The following LYSMD2 variants were observed in gnomAD, a reference collection of about 807,000 sequenced individuals.
LYSMD2 encodes the protein LysM domain containing 2, also known as lysM and putative peptidoglycan-binding domain-containing protein 2.
Under a neutral mutation model 17.7 loss-of-function variants are expected in LYSMD2, and 6 were observed. That is an observed-to-expected ratio of 0.34 (90% CI 0.19 to 0.67). The LOEUF is 0.67. LYSMD2 is among the 30% of genes least tolerant of loss of function. The pLI is 0.69. For synonymous variants in LYSMD2, 102 were observed against 129.8 expected, an observed-to-expected ratio of 0.79 and a Z score of 1.45; for missense variants, 237 against 286.7, an observed-to-expected ratio of 0.83 and a Z score of 1.25.
chr15:51,747,093 G>T (rs1241726200), intron 1 of LYSMD2, among the ~76,000 whole-genome samples: 1 of 151,766 alleles, frequency 6.6e-6, no homozygotes, highest in Non-Finnish European at 1.5e-5. Flanking sequence ...CCAGCTACTT[G>T]GGAGGCTTAG....
At chr15:51,734,100 T>C (rs1000583942) in intron 1 of LYSMD2, among the ~76,000 whole-genome samples, 4 of 152,104 alleles carry the variant, frequency 2.6e-5, no homozygotes, top group Admixed American at 2.6e-4. Context: ...GGAGAATAGC[T>C]TGAACCCGGG....
intron 1 of LYSMD2, among the ~76,000 whole-genome samples, chr15:51,750,894 T>C (rs1394103495): frequency 6.6e-6 from 1 of 152,170 alleles, no homozygotes; most frequent in Non-Finnish European, 1.5e-5. Context: ...TCCAACTATC[T>C]TTAGGTTAGC....
chr15:51,728,346 G>A (rs1323740483), intron 1 of LYSMD2, among the ~76,000 whole-genome samples: 1 of 151,698 alleles, frequency 6.6e-6, no homozygotes, highest in African/African-American at 2.4e-5. Flanking sequence ...TTGAAGGTGG[G>A]AGGCAGAGGT....
At chr15:51,742,972 A>G (rs2055650630) in intron 1 of LYSMD2, among the ~76,000 whole-genome samples, 1 of 152,162 alleles carries the variant, frequency 6.6e-6, no homozygotes, top group African/African-American at 2.4e-5. Flanking sequence ...AAAAATACAT[A>G]CATGCATACA....
Position 51,723,597 on chromosome 15 carries a change from C to A in LYSMD2, c.*10G>T. The stretch of plus-strand genomic sequence containing the variant: ...TCTTAATTTTGGTTAGAGTTATGCC[C>A]CCAAATCACCTAACTGTGATAGAGG... On this transcript the variant is annotated 3_prime_UTR_variant, in exon 3 of 3. Coordinates refer to ENST00000267838, the MANE Select transcript of LYSMD2 (RefSeq NM_153374.3). 6.2e-7 allele frequency: 1 copy of A among 1,604,216 alleles called. No homozygotes were observed. The highest frequency in any genetic ancestry group is 1.1e-5 in the South Asian group (1 of 90,710).
chr15:51,733,632 C>T (rs757689440), intron 1 of LYSMD2, among the ~76,000 whole-genome samples: 9 of 152,040 alleles, frequency 5.9e-5, no homozygotes, highest in Non-Finnish European at 1.2e-4. Flanking sequence ...CTCCATCATT[C>T]GCCCAGGGCC....
chr15:51,744,875 T>A (rs11630084), intron 1 of LYSMD2, among the ~76,000 whole-genome samples: 72,894 of 151,586 alleles, frequency 0.48, 17,772 homozygotes, highest in Admixed American at 0.54. Flanking sequence ...CTTTACCTAG[T>A]CTGACCAAGA....
At chr15:51,748,086 C>T (rs2055677112) in intron 1 of LYSMD2, among the ~76,000 whole-genome samples, 1 of 152,048 alleles carries the variant, frequency 6.6e-6, no homozygotes, top group African/African-American at 2.4e-5. Flanking sequence ...TCCTGGTCAA[C>T]ATGGTGAAAC....
chr15:51,744,812 A>G (rs2055659172), intron 1 of LYSMD2, among the ~76,000 whole-genome samples: 2 of 152,178 alleles, frequency 1.3e-5, no homozygotes, highest in South Asian at 4.1e-4. Flanking sequence ...CAATCAAGGA[A>G]GTCAACAAAT....
chr15:51,731,296 C>T (rs553027119), intron 1 of LYSMD2, among the ~76,000 whole-genome samples: 13 of 152,300 alleles, frequency 8.5e-5, no homozygotes, highest in African/African-American at 3.1e-4. Context: ...TGACTAAAGG[C>T]TACTTTGCCA....
chr15:51,738,664 A>G (rs945311464), upstream of LYSMD2, among the ~76,000 whole-genome samples: 2 of 152,092 alleles, frequency 1.3e-5, no homozygotes, highest in African/African-American at 4.8e-5. Context: ...AAGAAGAGGT[A>G]CCTTGTAGGA....
intron 1 of LYSMD2, among the ~76,000 whole-genome samples, chr15:51,747,635 C>T (rs1467523448): frequency 6.6e-6 from 1 of 152,144 alleles, no homozygotes; most frequent in Non-Finnish European, 1.5e-5. Context: ...TGTTATTTGT[C>T]TCTTGAATTT....
At chr15:51,734,475 T>C (rs2141597282) in intron 1 of LYSMD2, among the ~76,000 whole-genome samples, 1 of 152,332 alleles carries the variant, frequency 6.6e-6, no homozygotes. Context: ...GTCTCTGTTC[T>C]GGGAACTTCC....
chr15:51,724,639 A>AAAGGAAGAAATTAAGG, intron 2 of LYSMD2, 151 bp downstream of exon 2: 1 of 510,658 alleles, frequency 2.0e-6, no homozygotes, highest in Non-Finnish European at 3.2e-6. Flanking sequence ...AGAAATTAAG[A>AAAGGAAGAAATTAAGG]AAGAAAGAAA....
At chr15:51,728,911 T>C (rs531418054) in intron 1 of LYSMD2, among the ~76,000 whole-genome samples, 4 of 151,880 alleles carry the variant, frequency 2.6e-5, no homozygotes, top group African/African-American at 9.7e-5. Context: ...AGTAAGAATA[T>C]ATAGGGAAAA....
intron 1 of LYSMD2, among the ~76,000 whole-genome samples, chr15:51,746,415 C>CA (rs1567231332): frequency 6.6e-6 from 1 of 152,180 alleles, no homozygotes; most frequent in Non-Finnish European, 1.5e-5. Context: ...CTAGAGAAGA[C>CA]AAAAAATAAA....
intron 1 of LYSMD2, 145 bp from the exon 2 acceptor site, chr15:51,725,266 A>G (rs2055531372): frequency 1.8e-6 from 1 of 557,190 alleles, no homozygotes; most frequent in African/African-American, 1.9e-5. Context: ...CAGGTTTGGT[A>G]ACCTCCCCAG....
intron 1 of LYSMD2, among the ~76,000 whole-genome samples, chr15:51,732,666 A>C (rs1260470125): frequency 6.6e-6 from 1 of 152,212 alleles, no homozygotes; most frequent in African/African-American, 2.4e-5. Context: ...TTGAAACTCC[A>C]GATTCTTCTT....
chr15:51,737,328 C>T lies in LYSMD2; in HGVS notation c.273+22G>A. ...CTGCGCGGTAGCTGCCAGCCCGGGCCGCGGCGGCGCGCCCTGCTCACCGTG... is the reference window on the plus strand; with the variant it reads ...CTGCGCGGTAGCTGCCAGCCCGGGCTGCGGCGGCGCGCCCTGCTCACCGTG... On this transcript the variant is annotated intron_variant, in intron 1 of 2. Transcript: ENST00000267838. This position sits in a 1 kb window ranked among gnomAD's most constrained non-coding sequence, Gnocchi z 4.2. The T allele has an allele frequency of 7.5e-7, 1 of 1,326,744 alleles. No individual in the cohort carries two copies. Among genetic ancestry groups the T allele is most frequent in the Non-Finnish European group, 9.6e-7 (1 of 1,039,688 alleles). The allele number at this position is 1,326,744 out of a possible 1,614,324, so 82.2% of individuals were successfully genotyped here. A position where few individuals can be genotyped will look rare whatever the true frequency, so the allele number is the denominator to read the frequency against.
Sources: allele counts gnomAD v4.1 joint callset (sites outside exome capture counted in the v4.1 genomes callset), GRCh38; gene constraint gnomAD v4.1.1; non-coding constraint Gnocchi (gnomAD v3.1); transcripts MANE v1.5; gene names NCBI Gene and HGNC (gene_info 2026-07-23, HGNC 2026-07-21).